Variants in ASIC2 observed in about 807,000 individuals in gnomAD.
ASIC2 encodes the protein acid sensing ion channel subunit 2.
Under a neutral mutation model 57.3 loss-of-function variants are expected in ASIC2, and 25 were observed. The ratio of observed to expected loss-of-function variants is 0.44; its 90% CI spans 0.32 to 0.61. ASIC2 has a LOEUF of 0.61. ASIC2 is among the 20% of genes least tolerant of loss of function. ASIC2 has a pLI of 0.06. For synonymous variants in ASIC2, 319 were observed against 307.5 expected (o/e 1.04, Z -0.39); for missense variants, 641 against 738.1 (o/e 0.87, Z 1.52).
intron 1 of ASIC2, among the ~76,000 whole-genome samples, chr17:33,122,792 A>G (rs924825192): frequency 3.9e-5 from 6 of 152,128 alleles, no homozygotes; most frequent in Admixed American, 2.6e-4. Context: ...GAAACTTTGC[A>G]CCCTTTGATC....
intron 1 of ASIC2, among the ~76,000 whole-genome samples, chr17:33,881,007 A>G (rs1914685429): frequency 6.6e-6 from 1 of 152,222 alleles, no homozygotes; most frequent in Admixed American, 6.5e-5. Flanking sequence ...CAACGACAAA[A>G]ACCACATGAT....
chr17:33,777,864 T>C (rs1911331278), intron 1 of ASIC2, among the ~76,000 whole-genome samples: 1 of 152,204 alleles, frequency 6.6e-6, no homozygotes, highest in African/African-American at 2.4e-5. Context: ...TGGACCTTGA[T>C]GACACCTCTT....
At chr17:33,043,053 A>G (rs1175111994) in intron 3 of ASIC2, among the ~76,000 whole-genome samples, 1 of 99,742 alleles carries the variant, frequency 1.0e-5, no homozygotes, top group Non-Finnish European at 2.3e-5. Context: ...CAGCCTCCCA[A>G]GCAGCTGGGA....
At chr17:33,996,992 G>A (rs928774062) in intron 1 of ASIC2, among the ~76,000 whole-genome samples, 4 of 152,124 alleles carry the variant, frequency 2.6e-5, no homozygotes, top group African/African-American at 9.7e-5. Flanking sequence ...CTATGAACAT[G>A]AGATCTTTTC....
At chr17:33,302,325 T>C (rs1228523089) in intron 1 of ASIC2, among the ~76,000 whole-genome samples, 1 of 152,224 alleles carries the variant, frequency 6.6e-6, no homozygotes, top group Non-Finnish European at 1.5e-5. Flanking sequence ...GCAGCTAAAA[T>C]AGGATTTAAT....
At chr17:33,605,748 C>T (rs1180632251) in intron 1 of ASIC2, among the ~76,000 whole-genome samples, 1 of 152,220 alleles carries the variant, frequency 6.6e-6, no homozygotes, top group Non-Finnish European at 1.5e-5. Flanking sequence ...GATTCTAGAT[C>T]CCGCTGCAAA....
intron 1 of ASIC2, among the ~76,000 whole-genome samples, chr17:33,832,841 G>A (rs988543700): frequency 2.6e-5 from 4 of 152,140 alleles, no homozygotes; most frequent in African/African-American, 9.7e-5. Context: ...CAGGCCCTTC[G>A]GAAGGCAGGC....
intron 1 of ASIC2, among the ~76,000 whole-genome samples, chr17:33,211,512 G>C (rs1412626928): frequency 6.9e-6 from 1 of 144,936 alleles, no homozygotes; most frequent in Non-Finnish European, 1.5e-5. Context: ...ATAAAGATAG[G>C]ATAAAGTAAA....
intron 1 of ASIC2, among the ~76,000 whole-genome samples, chr17:33,323,242 G>A (rs1443735925): frequency 2.6e-5 from 4 of 152,186 alleles, no homozygotes; most frequent in Non-Finnish European, 4.4e-5. Context: ...GATATTCACA[G>A]CAGCACTATT....
At chr17:33,412,934 AC>A (rs1158807852) in intron 1 of ASIC2, among the ~76,000 whole-genome samples, 8 of 151,286 alleles carry the variant, frequency 5.3e-5, no homozygotes, top group African/African-American at 1.9e-4. Context: ...CGTGCAAGGA[AC>A]CCCCCACCTG....
At chr17:34,153,679 A>G (rs1904611285) in intron 1 of ASIC2, among the ~76,000 whole-genome samples, 1 of 151,902 alleles carries the variant, frequency 6.6e-6, no homozygotes, top group Non-Finnish European at 1.5e-5. Flanking sequence ...TTTTTCTGAT[A>G]CTCCCTGAAC....
intron 1 of ASIC2, among the ~76,000 whole-genome samples, chr17:33,769,532 T>C (rs1161005050): frequency 2.6e-5 from 4 of 152,172 alleles, no homozygotes; most frequent in African/African-American, 9.7e-5. Flanking sequence ...CAGAGGTAAA[T>C]GACAGTAGTT....
rs1907499880 is a variant in ASIC2 at position 33,667,097 on chromosome 17, G to A, written c.555+488881C>T. Among the ~76,000 whole-genome samples, 4 of 152,206 alleles carry A rather than the reference G, an allele frequency of 2.6e-5. No individual in the cohort carries two copies. In the South Asian group the frequency reaches 6.2e-4, roughly 24 times the overall value. ...AGAAAGCAAAATCAGCATAAAGCGG[G>A]TGAGATGGCGTGAGTCACTGATGAG... On this transcript the variant is annotated intron_variant, in intron 1 of 9. Transcript: ENST00000359872.
At chr17:33,377,057 A>AG (rs893389892) in intron 1 of ASIC2, among the ~76,000 whole-genome samples, 4 of 151,252 alleles carry the variant, frequency 2.6e-5, no homozygotes, top group African/African-American at 9.8e-5. Context: ...TTTTTTTTGG[A>AG]GGGGGGGAGC....
At chr17:33,824,766 C>T (rs1912854599) in intron 1 of ASIC2, among the ~76,000 whole-genome samples, 1 of 53,052 alleles carries the variant, frequency 1.9e-5, no homozygotes, top group African/African-American at 8.7e-5. Flanking sequence ...CCTGCACAAG[C>T]TGTCTTGCAA....
chr17:33,807,579 T>C (rs530059335), intron 1 of ASIC2, among the ~76,000 whole-genome samples: 21 of 152,258 alleles, frequency 1.4e-4, no homozygotes, highest in African/African-American at 5.1e-4. Flanking sequence ...CTCTTTACTC[T>C]CTTTCTTCTC....
rs537734792 is a variant in ASIC2, at chr17:33,619,669, C to G, written c.556-507602G>C. Among the ~76,000 whole-genome samples, 7 of 152,324 alleles carry G rather than the reference C, an allele frequency of 4.6e-5. No homozygotes were observed. The South Asian group carries it at 1.4e-3, about 32-fold the overall frequency. On this transcript the variant is annotated intron_variant, in intron 1 of 9. Transcript: ENST00000359872. ...ATGAGAAGGGAGGTGACCATAACAT[C>G]TCTTGCCGCACAGAGCGTCTCTGAT...
intron 1 of ASIC2, among the ~76,000 whole-genome samples, chr17:33,521,294 G>A (rs1654157289): frequency 6.6e-6 from 1 of 152,136 alleles, no homozygotes; most frequent in African/African-American, 2.4e-5. Flanking sequence ...GAAATTGAAT[G>A]AATTATTTGG....
At chr17:33,755,545 A>T (rs1910577885) in intron 1 of ASIC2, among the ~76,000 whole-genome samples, 1 of 152,214 alleles carries the variant, frequency 6.6e-6, no homozygotes, top group Non-Finnish European at 1.5e-5. Context: ...GAGATGAATG[A>T]TACATTTGAA....
Sources: gnomAD v4.1 joint callset for allele counts (sites outside exome capture counted in the v4.1 genomes callset) on GRCh38, gnomAD v4.1.1 for gene constraint, MANE v1.5 for transcripts, NCBI Gene and HGNC (gene_info 2026-07-23, HGNC 2026-07-21) for gene names.